The following AHCYL2 variants were observed in gnomAD, a reference collection of about 807,000 sequenced individuals.
AHCYL2 encodes S-adenosylhomocysteine hydrolase-like protein 2.
A neutral mutation model predicts 81.4 loss-of-function variants in AHCYL2; 28 were observed. The observed-to-expected ratio is 0.34, with a 90% confidence interval of 0.25 to 0.47. AHCYL2 has a LOEUF of 0.47. Among genes scored for constraint, AHCYL2 ranks in the 20% least tolerant of loss-of-function variants. AHCYL2 has a pLI of 1.00. For synonymous variants in AHCYL2, 272 were observed against 290.2 expected (o/e 0.94, Z 0.64); for missense variants, 551 against 785.1 (o/e 0.70, Z 3.56).
At chr7:129,258,843 A>C (rs1048196071) in intron 1 of AHCYL2, among the ~76,000 whole-genome samples, 4 of 152,172 alleles carry the variant, frequency 2.6e-5, no homozygotes, top group Non-Finnish European at 5.9e-5. Context: ...ATGGAATTAA[A>C]GTAACCGTGG....
intron 1 of AHCYL2, among the ~76,000 whole-genome samples, chr7:129,227,485 G>T (rs1280125609): frequency 4.1e-5 from 6 of 147,662 alleles, no homozygotes; most frequent in South Asian, 2.1e-4. Flanking sequence ...AAAGAGCCGG[G>T]CATGGTGGTG....
chr7:129,244,068 G>T (rs1169957909), intron 1 of AHCYL2, among the ~76,000 whole-genome samples: 1 of 151,486 alleles, frequency 6.6e-6, no homozygotes, highest in East Asian at 1.9e-4. Flanking sequence ...GTGCAATCAT[G>T]GTTCACTGCA....
chr7:129,410,849 T>C (rs759010859), intron 11 of AHCYL2, among the ~76,000 whole-genome samples: 2 of 152,040 alleles, frequency 1.3e-5, no homozygotes, highest in African/African-American at 2.4e-5. Context: ...TAAAAAAAAA[T>C]TGTAGTTGTA....
rs541156115 is a variant in AHCYL2 at position 129,362,346 on chromosome 7, T to A, written c.364-17292T>A. Among the ~76,000 whole-genome samples, 4 of 152,248 alleles carry A rather than the reference T, an allele frequency of 2.6e-5. No individual in the cohort carries two copies. The East Asian group carries it at 7.7e-4, about 29-fold the overall frequency. On this transcript the variant is annotated intron_variant, in intron 1 of 16. Transcript: ENST00000325006. ...ATACCTGTGAGGTATGAATTTTAGA[T>A]TACTGAGGAACTGATAAGTAAGATA... is the stretch of plus-strand genomic sequence containing the variant.
At chr7:129,337,215 A>C (rs1798633732) in intron 1 of AHCYL2, among the ~76,000 whole-genome samples, 1 of 151,956 alleles carries the variant, frequency 6.6e-6, no homozygotes, top group Non-Finnish European at 1.5e-5. Flanking sequence ...TTTTGAGTGT[A>C]TTTCCAGAGA....
In AHCYL2 at chr7:129,427,732, C is replaced by T. The variant is rs560258598; in HGVS notation, c.*687C>T. 10 of 152,728 alleles carry T rather than the reference C, an allele frequency of 6.5e-5. No homozygotes were observed. Among genetic ancestry groups the T allele is most frequent in the African/African-American group, 2.2e-4 (9 of 41,550 alleles). 9.5% of individuals were successfully genotyped at this position (152,728 alleles called of 1,614,324 possible). A position where few individuals can be genotyped will look rare whatever the true frequency, so the allele number is the denominator to read the frequency against. ...AAGAGGGATGTGCCTCCATTATTTC[C>T]TCCACAGTTTTGGTATTTGTCAGAC... On this transcript the variant is annotated 3_prime_UTR_variant, in exon 17 of 17. Coordinates refer to ENST00000325006, the MANE Select transcript of AHCYL2 (RefSeq NM_015328.4). This position sits in a 1 kb window ranked among gnomAD's most constrained non-coding sequence, Gnocchi z 5.5.
chr7:129,405,808 T>G lies in AHCYL2; in HGVS notation c.1143-28T>G, dbSNP rs1311403000. 4 of 1,589,566 alleles carry G rather than the reference T, an allele frequency of 2.5e-6. No individual in the cohort carries two copies. In the South Asian group the frequency reaches 4.7e-5, roughly 19 times the overall value. On this transcript the variant is annotated intron_variant, in intron 8 of 16. Transcript: ENST00000325006. ...CAAGGGAGAAACAAGAGAAGATTTT[T>G]CTGATTTAATGTTTTTTTTTCCCCT...
intron 1 of AHCYL2, among the ~76,000 whole-genome samples, chr7:129,262,096 A>G (rs897254026): frequency 5.3e-5 from 8 of 152,194 alleles, no homozygotes; most frequent in Non-Finnish European, 2.9e-5. Context: ...ATTATGTGCC[A>G]GGCACTGCAT....
At chr7:129,283,020 T>G (rs1460785752) in intron 1 of AHCYL2, among the ~76,000 whole-genome samples, 1 of 152,134 alleles carries the variant, frequency 6.6e-6, no homozygotes, top group Admixed American at 6.5e-5. Context: ...TCTGTTTGAG[T>G]GCCAGTTAGT....
chr7:129,309,677 T>G (rs13221770), intron 1 of AHCYL2, among the ~76,000 whole-genome samples: 3,750 of 152,368 alleles, frequency 0.025, 75 homozygotes, highest in Admixed American at 0.058. Flanking sequence ...TTTTACAGTC[T>G]GCCTTCTCTG....
intron 1 of AHCYL2, among the ~76,000 whole-genome samples, chr7:129,250,099 GAGACT>G: frequency 6.6e-6 from 1 of 152,218 alleles, no homozygotes; most frequent in East Asian, 1.9e-4. Context: ...GCCAGAGGTT[GAGACT>G]AGCCTGGGCA....
At chr7:129,313,289 T>C (rs1554479309) in intron 1 of AHCYL2, among the ~76,000 whole-genome samples, 1 of 152,188 alleles carries the variant, frequency 6.6e-6, no homozygotes, top group Non-Finnish European at 1.5e-5. Context: ...AATTGTCTTT[T>C]GGGAGTACAG....
At chr7:129,418,973 C>G (rs931062956) in intron 12 of AHCYL2, among the ~76,000 whole-genome samples, 1 of 152,146 alleles carries the variant, frequency 6.6e-6, no homozygotes. Flanking sequence ...CCAGTCAACT[C>G]AGTGAAACTG....
At chr7:129,304,450 G>A (rs59659852) in intron 1 of AHCYL2, among the ~76,000 whole-genome samples, 36,947 of 152,152 alleles carry the variant, frequency 0.24, 4,561 homozygotes, top group South Asian at 0.37. Flanking sequence ...TTTTCTGTCT[G>A]GATGATCTGT....
intron 6 of AHCYL2, among the ~76,000 whole-genome samples, chr7:129,401,347 C>T (rs895098593): frequency 4.0e-5 from 6 of 150,824 alleles, no homozygotes; most frequent in East Asian, 3.9e-4. Flanking sequence ...GTGCCCCCCC[C>T]CAAAAAAGCT....
chr7:129,377,557 G>T (rs1270748690), intron 1 of AHCYL2: 2 of 456,596 alleles, frequency 4.4e-6, no homozygotes, highest in Non-Finnish European at 8.8e-6. Flanking sequence ...GGAGCCGTCA[G>T]TTCCTGCTTT....
intron 1 of AHCYL2, among the ~76,000 whole-genome samples, chr7:129,358,558 G>T (rs1376096023): frequency 6.6e-6 from 1 of 152,196 alleles, no homozygotes; most frequent in Non-Finnish European, 1.5e-5. Flanking sequence ...TTCAGAGACA[G>T]AAAGCAGAGC....
chr7:129,335,053 T>G (rs191099135), intron 1 of AHCYL2, among the ~76,000 whole-genome samples: 1 of 152,152 alleles, frequency 6.6e-6, no homozygotes, highest in Non-Finnish European at 1.5e-5. Context: ...GGAATTTTTT[T>G]AAAAATTGTC....
intron 13 of AHCYL2, among the ~76,000 whole-genome samples, chr7:129,423,368 T>C (rs1446865160): frequency 6.6e-6 from 1 of 152,210 alleles, no homozygotes; most frequent in Non-Finnish European, 1.5e-5. Context: ...TTCCCTGTTT[T>C]TGAAGGTCCA....
Sources: allele counts gnomAD v4.1 joint callset (sites outside exome capture counted in the v4.1 genomes callset), GRCh38; gene constraint gnomAD v4.1.1; non-coding constraint Gnocchi (gnomAD v3.1); transcripts MANE v1.5; gene names NCBI Gene and HGNC (gene_info 2026-07-23, HGNC 2026-07-21).